The following UBE4B variants were observed in gnomAD, a reference collection of about 807,000 sequenced individuals.
UBE4B encodes ubiquitin conjugation factor E4 B.
Under a neutral mutation model 148.1 loss-of-function variants are expected in UBE4B, and 27 were observed. That is an observed-to-expected ratio of 0.18 (90% confidence interval 0.13 to 0.25). The LOEUF (loss-of-function observed/expected upper bound fraction) is 0.25. UBE4B is among the 10% of genes least tolerant of loss of function. UBE4B has a pLI of 1.00. For synonymous variants in UBE4B, 596 were observed against 619.3 expected, an observed-to-expected ratio of 0.96 and a Z score of 0.56; for missense variants, 1,170 against 1,662.4, an observed-to-expected ratio of 0.70 and a Z score of 5.15.
At chr1:10,177,624 C>G (rs1646447134) in intron 25 of UBE4B, among the ~76,000 whole-genome samples, 1 of 152,098 alleles carries the variant, frequency 6.6e-6, no homozygotes, top group African/African-American at 2.4e-5. Flanking sequence ...CCACTGCACT[C>G]CAGCCTGAGT....
intron 2 of UBE4B, among the ~76,000 whole-genome samples, chr1:10,090,383 A>C (rs903861532): frequency 3.3e-5 from 5 of 152,020 alleles, no homozygotes; most frequent in African/African-American, 7.2e-5. Flanking sequence ...GGCCTCCAAA[A>C]GTTCTGGAAT....
At chr1:10,078,363 A>G (rs1358190932) in intron 2 of UBE4B, among the ~76,000 whole-genome samples, 2 of 152,150 alleles carry the variant, frequency 1.3e-5, no homozygotes, top group African/African-American at 4.8e-5. Context: ...CAGACACAGT[A>G]CTTGGTCATG....
At position 10,106,103 on chromosome 1, in the gene UBE4B, C is replaced by T. The variant is rs1189564158; in HGVS notation, c.810-94C>T. 1 of 1,381,452 alleles carries T rather than the reference C, an allele frequency of 7.2e-7. No homozygotes were observed. The highest frequency in any genetic ancestry group is 1.5e-5 in the African/African-American group (1 of 68,792). 85.6% of individuals were successfully genotyped at this position (1,381,452 alleles called of 1,614,324 possible). Reference sequence around the variant, plus strand: ...TAGATATACTTGAACTGAAATGATTCTCCTTTAAAAGCTTGATATTTTCTG... The same window carrying T: ...TAGATATACTTGAACTGAAATGATTTTCCTTTAAAAGCTTGATATTTTCTG... On this transcript the variant is annotated intron_variant, in intron 6 of 27. Transcript: ENST00000343090. The surrounding 1 kb of genome is among the most constrained non-coding windows in gnomAD (Gnocchi z 4.2).
chr1:10,076,816 G>A (rs1256470099), intron 2 of UBE4B, among the ~76,000 whole-genome samples: 1 of 139,256 alleles, frequency 7.2e-6, no homozygotes, highest in East Asian at 2.1e-4. Context: ...GCATGATCTC[G>A]ACTCTCTGTA....
chr1:10,074,993 T>C (rs549312783), intron 2 of UBE4B, among the ~76,000 whole-genome samples: 1 of 152,264 alleles, frequency 6.6e-6, no homozygotes, highest in South Asian at 2.1e-4. Flanking sequence ...ATGCCCCAAA[T>C]CAAGCTTTGC....
chr1:10,168,623 TG>T lies in UBE4B; in HGVS notation c.3333+355del, dbSNP rs1166741559. 5.3e-4 allele frequency among the ~76,000 whole-genome samples: 80 copies of T among 152,278 alleles called. No homozygotes were observed. The highest frequency in any genetic ancestry group is 1.8e-3 in the African/African-American group (76 of 41,566). ...AAAAAGCATAAGGTGCCGGGTGCGG[TG>T]GCTCACGCCTGTAATCCCAGCACTT... is the stretch of plus-strand genomic sequence containing the variant. On this transcript the variant is annotated intron_variant, in intron 24 of 27. Transcript: ENST00000343090. This position sits in a 1 kb window ranked among gnomAD's most constrained non-coding sequence, Gnocchi z 4.9.
chr1:10,071,346 C>A (rs1557528296), intron 1 of UBE4B, among the ~76,000 whole-genome samples: 1 of 152,116 alleles, frequency 6.6e-6, no homozygotes, highest in Non-Finnish European at 1.5e-5. Flanking sequence ...CTCTGGGAGG[C>A]CAAGGTGGGA....
chr1:10,118,868 C>CT (rs35822677), intron 8 of UBE4B, among the ~76,000 whole-genome samples: 1,821 of 23,092 alleles, frequency 0.079, 785 homozygotes, highest in Middle Eastern at 0.17. Context: ...CCAGGCTGGT[C>CT]TTTTTTTTTT....
intron 11 of UBE4B, chr1:10,128,622 T>G (rs1296403496): frequency 6.6e-6 from 1 of 152,232 alleles, no homozygotes; most frequent in Non-Finnish European, 1.5e-5. Context: ...TGTGAACTCC[T>G]GCACTAGGCA....
Position 10,072,486 on chromosome 1 carries a change from A to G in UBE4B, c.211+272A>G, listed in dbSNP as rs562766499. The G allele has an allele frequency of 1.5e-5, 11 of 712,958 alleles. No homozygotes were observed. The South Asian group carries it at 1.6e-4, about 11-fold the overall frequency. The allele number at this position is 712,958 out of a possible 1,614,324, so 44.2% of individuals were successfully genotyped here. A position where few individuals can be genotyped will look rare whatever the true frequency, so the allele number is the denominator to read the frequency against. On this transcript the variant is annotated intron_variant, in intron 2 of 27. Transcript: ENST00000343090. The stretch of plus-strand genomic sequence containing the variant: ...TATTATCTCTGATGACAAGATGATT[A>G]AGACTGAATTTGGTTCTGCTGATTT...
At chr1:10,083,923 C>T (rs1570851176) in intron 2 of UBE4B, among the ~76,000 whole-genome samples, 2 of 152,136 alleles carry the variant, frequency 1.3e-5, no homozygotes, top group African/African-American at 2.4e-5. Flanking sequence ...TTAAAGTGCT[C>T]ATGATATCTT....
intron 10 of UBE4B, among the ~76,000 whole-genome samples, chr1:10,125,536 G>A (rs1557576190): frequency 6.6e-6 from 1 of 152,270 alleles, no homozygotes; most frequent in South Asian, 2.1e-4. Flanking sequence ...AAATTATTAA[G>A]GTGCTCATGG....
intron 2 of UBE4B, among the ~76,000 whole-genome samples, chr1:10,088,959 G>A (rs551974373): frequency 2.8e-4 from 42 of 152,204 alleles, no homozygotes; most frequent in African/African-American, 9.1e-4. Flanking sequence ...GATTACAGGC[G>A]TGAGCCACCA....
intron 1 of UBE4B, chr1:10,059,500 G>A (rs1644244281): frequency 4.6e-6 from 1 of 216,752 alleles, no homozygotes; most frequent in African/African-American, 2.3e-5. Flanking sequence ...TCTCCCGGAA[G>A]GGGCCATCAT....
chr1:10,073,166 A>G (rs1464407665), intron 2 of UBE4B: 5 of 152,202 alleles, frequency 3.3e-5, no homozygotes. Flanking sequence ...TTCTGGTAGG[A>G]TTGATGGGTT....
chr1:10,129,727 T>C (rs543040850), intron 12 of UBE4B, among the ~76,000 whole-genome samples: 1 of 152,000 alleles, frequency 6.6e-6, no homozygotes, highest in Non-Finnish European at 1.5e-5. Flanking sequence ...CTTGGCACAC[T>C]GCAGCCTACG....
rs185294800 is a variant in UBE4B at position 10,048,470 on chromosome 1, G to A, written c.24+14776G>A. Among the ~76,000 whole-genome samples, 32 of 152,196 alleles carry A rather than the reference G, an allele frequency of 2.1e-4. No homozygotes were observed. The East Asian group carries it at 4.6e-3, about 22-fold the overall frequency. On this transcript the variant is annotated intron_variant, in intron 1 of 27. Coordinates refer to ENST00000343090, the MANE Select transcript of UBE4B (RefSeq NM_001105562.3). ...TTACCTAGAGAGTGAGCATAAATGC[G>A]GAAGACAAGAGGACTGAGCCTCCAT...
intron 17 of UBE4B, among the ~76,000 whole-genome samples, chr1:10,141,586 A>G (rs1645783140): frequency 6.6e-6 from 1 of 152,202 alleles, no homozygotes; most frequent in African/African-American, 2.4e-5. Context: ...AGCATAACAC[A>G]TTAGCAAATC....
At chr1:10,134,607 A>G (rs1355774515) in intron 15 of UBE4B, among the ~76,000 whole-genome samples, 3 of 152,226 alleles carry the variant, frequency 2.0e-5, no homozygotes, top group Admixed American at 2.0e-4. Context: ...GCACCTGCTA[A>G]TATAGAATTA....
Sources: gnomAD v4.1 joint callset for allele counts (sites outside exome capture counted in the v4.1 genomes callset) on GRCh38, gnomAD v4.1.1 for gene constraint, Gnocchi (gnomAD v3.1) non-coding constraint, MANE v1.5 for transcripts, NCBI Gene and HGNC (gene_info 2026-07-23, HGNC 2026-07-21) for gene names.